Variants in OCA2 observed in about 807,000 individuals in gnomAD.
OCA2 encodes the protein OCA2 melanosomal transmembrane protein.
Under a neutral mutation model 100.2 loss-of-function variants are expected in OCA2, and 77 were observed. The observed-to-expected ratio is 0.77, with a 90% CI of 0.64 to 0.93. The LOEUF (loss-of-function observed/expected upper bound fraction) is 0.93, where lower values mean the gene tolerates loss of function less well. Among genes scored for constraint, OCA2 ranks in the 40% least tolerant of loss-of-function variants. The probability of loss-of-function intolerance (pLI) is 0.00; values close to 1 mark genes in which losing one functional copy is unlikely to be tolerated. For missense variants in OCA2, 1,062 were observed against 1,089.1 expected, an observed-to-expected ratio of 0.98 and a Z score of 0.35; for synonymous variants, 432 against 439.2, an observed-to-expected ratio of 0.98 and a Z score of 0.21.
At chr15:28,067,659 G>C (rs577242769) in intron 2 of OCA2, among the ~76,000 whole-genome samples, 232 of 152,060 alleles carry the variant, frequency 1.5e-3, no homozygotes, top group African/African-American at 5.3e-3. Context: ...AGATCTTATT[G>C]GTATTTATTT....
At chr15:28,018,769 GT>G (rs1350058879) in intron 6 of OCA2, among the ~76,000 whole-genome samples, 2 of 152,134 alleles carry the variant, frequency 1.3e-5, no homozygotes, top group African/African-American at 4.8e-5. Context: ...GCAGATCGTC[GT>G]GACCCTCTTG....
At position 28,024,909 on chromosome 15, in the gene OCA2, G is replaced by C. The variant is rs760115689; in HGVS notation, c.516-7C>G. ...CAGCCACTGCACACAGCGCCTGCAA[G>C]AGAAAAAGTAGGGCCTTAGTGGCAA... is the stretch of plus-strand genomic sequence containing the variant. On this transcript the variant is annotated splice_region_variant and splice_polypyrimidine_tract_variant and intron_variant, in intron 4 of 23. Coordinates refer to ENST00000354638, the MANE Select transcript of OCA2 (RefSeq NM_000275.3). The C allele has an allele frequency of 6.2e-7, 1 of 1,614,172 alleles. No homozygotes were observed. The highest frequency in any genetic ancestry group is 1.1e-5 in the South Asian group (1 of 91,080).
Position 27,885,382 on chromosome 15 carries a change from G to A in OCA2, c.2080-13460C>T, listed in dbSNP as rs546303779. ...CAAATAAATCCAGACCCATGGGAAG[G>A]CTTTCCAAACCCCCTTCACACCCAA... On this transcript the variant is annotated intron_variant, in intron 19 of 23. Transcript: ENST00000354638. Among the ~76,000 whole-genome samples the A allele has an allele frequency of 3.3e-5, 5 of 152,260 alleles. No homozygotes were observed. The South Asian group carries it at 6.2e-4, about 19-fold the overall frequency.
At position 28,022,559 on chromosome 15, in the gene OCA2, T is replaced by G. The variant is rs374350218; in HGVS notation, c.588A>C (p.Leu196=). The G allele has an allele frequency of 1.9e-6, 3 of 1,613,452 alleles. No individual in the cohort carries two copies. Among genetic ancestry groups the G allele is most frequent in the Non-Finnish European group, 2.5e-6 (3 of 1,179,456 alleles). The stretch of plus-strand genomic sequence containing the variant: ...GCCAGAGCTTTCCTTGATCCGGATA[T>G]AGGCTGAACAAAATCTGTAACAATC... The part of the protein sequence containing the change: ...FVVLCSILFS[L]YPDQGKLWQL... Residue 196 remains leucine (L), a synonymous_variant, in exon 6 of 24, where the codon CTA becomes CTC. Transcript: ENST00000354638.
At chr15:27,854,374 G>T (rs2151425159) in intron 21 of OCA2, among the ~76,000 whole-genome samples, 1 of 152,314 alleles carries the variant, frequency 6.6e-6, no homozygotes, top group Admixed American at 6.5e-5. Flanking sequence ...CCAGTCCAGG[G>T]TCTGGTTCTC....
intron 21 of OCA2, among the ~76,000 whole-genome samples, chr15:27,856,451 C>T (rs1216721715): frequency 6.6e-6 from 1 of 152,114 alleles, no homozygotes; most frequent in Non-Finnish European, 1.5e-5. Context: ...CCATCTCTCT[C>T]CCTGTGGCAG....
intron 18 of OCA2, among the ~76,000 whole-genome samples, chr15:27,928,718 A>G (rs1290788650): frequency 6.6e-6 from 1 of 152,108 alleles, no homozygotes; most frequent in East Asian, 1.9e-4. Context: ...CCATTCCTCC[A>G]TCTTCAAAGT....
At chr15:27,891,910 C>G (rs1413112949) in intron 19 of OCA2, among the ~76,000 whole-genome samples, 5 of 151,808 alleles carry the variant, frequency 3.3e-5, no homozygotes, top group African/African-American at 4.8e-5. Flanking sequence ...AAAATCTAAG[C>G]AAGAGACTAT....
At chr15:28,003,590 C>T (rs1006427002) in intron 9 of OCA2, among the ~76,000 whole-genome samples, 7 of 147,530 alleles carry the variant, frequency 4.7e-5, no homozygotes, top group Admixed American at 2.0e-4. Context: ...ACGCTGGCTG[C>T]GGGGAACGAC....
At chr15:27,926,492 C>T (rs2039048023) in intron 18 of OCA2, among the ~76,000 whole-genome samples, 1 of 152,142 alleles carries the variant, frequency 6.6e-6, no homozygotes, top group African/African-American at 2.4e-5. Flanking sequence ...TGTTCTTGTA[C>T]CTCCTCTAGC....
At chr15:27,822,420 A>C (rs982067742) in intron 23 of OCA2, among the ~76,000 whole-genome samples, 9 of 152,332 alleles carry the variant, frequency 5.9e-5, no homozygotes, top group Admixed American at 4.6e-4. Flanking sequence ...GTGAAAACAG[A>C]GTGGCATTTC....
At chr15:27,727,121 A>G in the OCA2 span, among the ~76,000 whole-genome samples, 1 of 152,194 alleles carries the variant, frequency 6.6e-6, no homozygotes. Context: ...AACTCTAGGG[A>G]AAAGGATGGG....
chr15:27,911,714 C>G (rs1159639858), intron 19 of OCA2, among the ~76,000 whole-genome samples: 1 of 152,138 alleles, frequency 6.6e-6, no homozygotes. Context: ...ATCCACCCCC[C>G]ATGACCCAAA....
chr15:28,053,281 C>A (rs1298693732), intron 2 of OCA2, among the ~76,000 whole-genome samples: 1 of 152,144 alleles, frequency 6.6e-6, no homozygotes, highest in African/African-American at 2.4e-5. Context: ...ATGGAGGGCA[C>A]AAGACAGCCA....
At chr15:27,747,749 TAA>T in the OCA2 span, among the ~76,000 whole-genome samples, 5 of 151,898 alleles carry the variant, frequency 3.3e-5, no homozygotes, top group African/African-American at 1.2e-4. Flanking sequence ...TAATATCTAT[TAA>T]AAAAAATGAG....
chr15:27,952,281 G>C (rs1214601702), intron 17 of OCA2, among the ~76,000 whole-genome samples: 1 of 152,204 alleles, frequency 6.6e-6, no homozygotes, highest in Non-Finnish European at 1.5e-5. Flanking sequence ...TCCCAGATAA[G>C]GCTCTGGCCA....
intron 23 of OCA2, among the ~76,000 whole-genome samples, chr15:27,803,457 A>G (rs1595437428): frequency 6.6e-6 from 1 of 152,242 alleles, no homozygotes; most frequent in African/African-American, 2.4e-5. Context: ...CACTGGCGAC[A>G]TAAGGCTGAC....
chr15:28,031,705 C>T (rs1043449550), intron 3 of OCA2, among the ~76,000 whole-genome samples: 1 of 152,182 alleles, frequency 6.6e-6, no homozygotes, highest in Non-Finnish European at 1.5e-5. Context: ...TGCCTCTACC[C>T]TTAGATGCCA....
intron 19 of OCA2, among the ~76,000 whole-genome samples, chr15:27,899,294 T>G (rs2037830133): frequency 6.6e-6 from 1 of 152,204 alleles, no homozygotes; most frequent in Admixed American, 6.5e-5. Context: ...AGCCACTCAA[T>G]TTCTGTTAAT....
Sources: allele counts gnomAD v4.1 joint callset (sites outside exome capture counted in the v4.1 genomes callset), GRCh38; gene constraint gnomAD v4.1.1; transcripts MANE v1.5; gene names NCBI Gene and HGNC (gene_info 2026-07-23, HGNC 2026-07-21).